ANKS1B: variants seen among roughly 807,000 people sequenced by gnomAD.
ANKS1B encodes the protein ankyrin repeat and sterile alpha motif domain containing 1B.
In ANKS1B, 36 loss-of-function variants were observed where a neutral mutation model predicts 148.3. The ratio of observed to expected loss-of-function variants is 0.24; its 90% CI spans 0.19 to 0.32. The LOEUF (loss-of-function observed/expected upper bound fraction) is 0.32, where lower values mean the gene tolerates loss of function less well. Among genes scored for constraint, ANKS1B ranks in the 10% least tolerant of loss-of-function variants. The pLI, the probability that ANKS1B is intolerant of heterozygous loss-of-function variation, is 1.00. For missense variants in ANKS1B, 1,157 were observed against 1,542.6 expected, an observed-to-expected ratio of 0.75 and a Z score of 4.19; for synonymous variants, 542 against 560.8, an observed-to-expected ratio of 0.97 and a Z score of 0.47.
At chr12:99,053,446 C>T (rs1318518939) in intron 16 of ANKS1B, 137 bp from the exon 17 acceptor site, 4 of 634,360 alleles carry the variant, frequency 6.3e-6, no homozygotes, top group African/African-American at 1.9e-5. Flanking sequence ...AAAGAAAACA[C>T]TTTCTGATGT....
At chr12:99,421,071 T>C (rs894912999) in intron 11 of ANKS1B, among the ~76,000 whole-genome samples, 5 of 152,156 alleles carry the variant, frequency 3.3e-5, no homozygotes, top group African/African-American at 9.7e-5. Flanking sequence ...TCTGGATTAA[T>C]TGAGATAATG....
chr12:99,216,825 C>T (rs1483625716), intron 14 of ANKS1B, among the ~76,000 whole-genome samples: 2 of 152,232 alleles, frequency 1.3e-5, no homozygotes, highest in Non-Finnish European at 2.9e-5. Context: ...AAGACTACAT[C>T]TCTTAGCTTC....
At chr12:98,833,370 C>T (rs1178364632) in intron 17 of ANKS1B, among the ~76,000 whole-genome samples, 1 of 152,154 alleles carries the variant, frequency 6.6e-6, no homozygotes, top group Non-Finnish European at 1.5e-5. Flanking sequence ...CCAAATGTTA[C>T]CAGCTTCTTA....
chr12:98,940,519 C>T (rs1055566415), intron 17 of ANKS1B, among the ~76,000 whole-genome samples: 7 of 152,258 alleles, frequency 4.6e-5, no homozygotes, highest in South Asian at 2.1e-4. Context: ...AGGCCTTCCA[C>T]GGGCTTTTTG....
intron 22 of ANKS1B, chr12:98,794,517 G>GCC: frequency 1.7e-6 from 1 of 590,794 alleles, no homozygotes; most frequent in Non-Finnish European, 3.1e-6. Context: ...TCTGTCTGGG[G>GCC]CCCATCCACC....
downstream of ANKS1B, among the ~76,000 whole-genome samples, chr12:98,742,006 TACC>T (rs562297523): frequency 1.1e-4 from 16 of 152,252 alleles, no homozygotes; most frequent in Non-Finnish European, 2.4e-4. Context: ...TGGTTTTTAT[TACC>T]ACATTGTGAG....
intron 8 of ANKS1B, among the ~76,000 whole-genome samples, chr12:99,710,311 A>G (rs1339076597): frequency 2.0e-5 from 3 of 152,182 alleles, no homozygotes; most frequent in Non-Finnish European, 2.9e-5. Flanking sequence ...TGAAAGTGAT[A>G]CCATCAAGAT....
chr12:99,636,144 T>G (rs912853603), intron 9 of ANKS1B, among the ~76,000 whole-genome samples: 16 of 152,096 alleles, frequency 1.1e-4, no homozygotes, highest in African/African-American at 3.9e-4. Flanking sequence ...TTAAATATAT[T>G]TGATCTAGAA....
At chr12:99,618,793 C>T (rs1212206551) in intron 9 of ANKS1B, among the ~76,000 whole-genome samples, 2 of 152,076 alleles carry the variant, frequency 1.3e-5, no homozygotes, top group African/African-American at 4.8e-5. Flanking sequence ...GTTTTTAATT[C>T]GAGTGCATAC....
At chr12:98,918,303 T>G (rs897857879) in intron 17 of ANKS1B, among the ~76,000 whole-genome samples, 1 of 152,094 alleles carries the variant, frequency 6.6e-6, no homozygotes, top group African/African-American at 2.4e-5. Context: ...GAGAAGATGA[T>G]CTAAAAGGAG....
chr12:98,853,919 G>T (rs1229087064), intron 17 of ANKS1B, among the ~76,000 whole-genome samples: 1 of 152,090 alleles, frequency 6.6e-6, no homozygotes, highest in Non-Finnish European at 1.5e-5. Flanking sequence ...AAAGCAGAAG[G>T]CCCCCTCAGC....
chr12:99,781,793 CAA>C (rs1410073664), intron 5 of ANKS1B, among the ~76,000 whole-genome samples: 1 of 152,070 alleles, frequency 6.6e-6, no homozygotes, highest in East Asian at 1.9e-4. Flanking sequence ...ATTGTAATAA[CAA>C]AGAGGTTTGT....
At chr12:99,496,576 C>T (rs1468846618) in intron 10 of ANKS1B, among the ~76,000 whole-genome samples, 1 of 152,214 alleles carries the variant, frequency 6.6e-6, no homozygotes, top group Non-Finnish European at 1.5e-5. Context: ...TTATTCTTTA[C>T]TTCATGTGAA....
chr12:99,537,842 T>C (rs993450896), intron 9 of ANKS1B, among the ~76,000 whole-genome samples: 1 of 152,190 alleles, frequency 6.6e-6, no homozygotes, highest in East Asian at 1.9e-4. Flanking sequence ...CAGACCAATG[T>C]CCTGGAGAAT....
chr12:99,191,985 A>G (rs535921156), intron 14 of ANKS1B, among the ~76,000 whole-genome samples: 3 of 152,108 alleles, frequency 2.0e-5, no homozygotes, highest in African/African-American at 7.2e-5. Context: ...TACAAAAATT[A>G]GCTGGGCGTG....
At chr12:98,926,018 T>C (rs1196199215) in intron 17 of ANKS1B, among the ~76,000 whole-genome samples, 2 of 152,138 alleles carry the variant, frequency 1.3e-5, no homozygotes, top group Admixed American at 6.5e-5. Context: ...AAAGCTCTGA[T>C]AGATTTCTGG....
chr12:98,838,565 G>C (rs1324391142), intron 17 of ANKS1B, among the ~76,000 whole-genome samples: 1 of 152,168 alleles, frequency 6.6e-6, no homozygotes, highest in Non-Finnish European at 1.5e-5. Context: ...GCACACAAGC[G>C]ATTCTAGTTC....
intron 9 of ANKS1B, among the ~76,000 whole-genome samples, chr12:99,523,541 A>G (rs1234116915): frequency 6.7e-6 from 1 of 150,224 alleles, no homozygotes; most frequent in Admixed American, 6.6e-5. Context: ...TGATCTATAC[A>G]AGGCATCTTC....
chr12:99,871,650 G>C (rs564636525), intron 1 of ANKS1B, among the ~76,000 whole-genome samples: 3 of 152,014 alleles, frequency 2.0e-5, no homozygotes, highest in African/African-American at 7.2e-5. Context: ...GTATTCCTAG[G>C]TATTTTGTTT....
Sources: gnomAD v4.1 joint callset for allele counts (sites outside exome capture counted in the v4.1 genomes callset) on GRCh38, gnomAD v4.1.1 for gene constraint, MANE v1.5 for transcripts, NCBI Gene and HGNC (gene_info 2026-07-23, HGNC 2026-07-21) for gene names.